The following SDK1 variants were observed in gnomAD, a reference collection of about 807,000 sequenced individuals.
SDK1 encodes sidekick cell adhesion molecule 1.
A neutral mutation model predicts 245.5 loss-of-function variants in SDK1; 157 were observed. The ratio of observed to expected loss-of-function variants is 0.64; its 90% CI spans 0.56 to 0.73. The LOEUF is 0.73. SDK1 is among the 30% of genes least tolerant of loss of function. The probability of loss-of-function intolerance (pLI) is 0.00; values close to 1 mark genes in which losing one functional copy is unlikely to be tolerated. For synonymous variants in SDK1, 1,647 were observed against 1,278.5 expected (o/e 1.29, Z -6.15); for missense variants, 3,583 against 3,002.3 (o/e 1.19, Z -4.52).
At chr7:3,443,810 C>T (rs915684368) in intron 1 of SDK1, among the ~76,000 whole-genome samples, 1 of 152,132 alleles carries the variant, frequency 6.6e-6, no homozygotes, top group Non-Finnish European at 1.5e-5. Context: ...AATGTATTGT[C>T]ATCAGGCTAG....
chr7:3,363,765 A>C (rs903261713), intron 1 of SDK1, among the ~76,000 whole-genome samples: 1 of 152,236 alleles, frequency 6.6e-6, no homozygotes, highest in East Asian at 1.9e-4. Flanking sequence ...GGAGGAGCTC[A>C]GGCGGGAATG....
intron 28 of SDK1, among the ~76,000 whole-genome samples, chr7:4,143,179 C>A (rs1779698699): frequency 6.6e-6 from 1 of 152,116 alleles, no homozygotes; most frequent in Non-Finnish European, 1.5e-5. Context: ...GCATTCAGCA[C>A]CCTGTCCTGG....
intron 14 of SDK1, among the ~76,000 whole-genome samples, chr7:4,003,709 A>G (rs1345478565): frequency 1.3e-5 from 2 of 152,210 alleles, no homozygotes; most frequent in Non-Finnish European, 2.9e-5. Flanking sequence ...GACACGGGGA[A>G]TTTAACCTGA....
rs200518584 is a variant in SDK1 at position 3,969,320 on chromosome 7, G to T, written c.1610G>T (p.Gly537Val). 5 of 1,610,988 alleles carry T rather than the reference G, an allele frequency of 3.1e-6. No homozygotes were observed. In the Admixed American group the frequency reaches 5.0e-5, roughly 16 times the overall value. ...AGGTTCATGCTTCTTGAATCGGGGGGTCTACAGATCGCGCCCGTCTTCATC... is the reference window on the plus strand; with the variant it reads ...AGGTTCATGCTTCTTGAATCGGGGGTTCTACAGATCGCGCCCGTCTTCATC... Reference protein sequence around the residue: ...IPRFMLLESGGLQIAPVFIQD... With the variant: ...IPRFMLLESGVLQIAPVFIQD... The change falls in exon 11 of 45, where the codon GGT becomes GTT. Residue 537 changes from glycine to valine, a missense_variant. Transcript: ENST00000404826.
chr7:3,469,550 T>C (rs1375534363), intron 1 of SDK1, among the ~76,000 whole-genome samples: 2 of 152,232 alleles, frequency 1.3e-5, no homozygotes, highest in South Asian at 2.1e-4. Context: ...TGTGACTTAG[T>C]TTTCCGGTTA....
intron 1 of SDK1, among the ~76,000 whole-genome samples, chr7:3,591,032 A>T (rs988436523): frequency 2.0e-5 from 3 of 152,176 alleles, no homozygotes; most frequent in Non-Finnish European, 2.9e-5. Context: ...AGGAGATCCT[A>T]ATGTGCAAAG....
intron 1 of SDK1, among the ~76,000 whole-genome samples, chr7:3,569,331 C>G (rs1454638379): frequency 3.3e-5 from 5 of 152,206 alleles, no homozygotes; most frequent in Non-Finnish European, 7.3e-5. Context: ...TTTGAGTGAT[C>G]TGCTCTCTAG....
chr7:3,407,007 T>A (rs1779072080), intron 1 of SDK1, among the ~76,000 whole-genome samples: 1 of 152,162 alleles, frequency 6.6e-6, no homozygotes, highest in African/African-American at 2.4e-5. Context: ...GAGAATTGGT[T>A]GCCAATGGGA....
intron 1 of SDK1, among the ~76,000 whole-genome samples, chr7:3,555,035 T>A (rs1779544509): frequency 6.6e-6 from 1 of 152,146 alleles, no homozygotes; most frequent in South Asian, 2.1e-4. Context: ...TTCAATGCAA[T>A]CCCTATCAAA....
chr7:3,490,307 A>T (rs1393789715), intron 1 of SDK1, among the ~76,000 whole-genome samples: 1 of 152,252 alleles, frequency 6.6e-6, no homozygotes, highest in African/African-American at 2.4e-5. Flanking sequence ...TTAGCCGAAG[A>T]GAAATGAATT....
intron 32 of SDK1, among the ~76,000 whole-genome samples, chr7:4,168,172 C>T (rs970254316): frequency 6.6e-6 from 1 of 152,178 alleles, no homozygotes; most frequent in African/African-American, 2.4e-5. Context: ...GTGGCCTCTG[C>T]CAGCTGCTGC....
intron 5 of SDK1, among the ~76,000 whole-genome samples, chr7:3,865,145 T>G (rs1780790488): frequency 6.6e-6 from 1 of 152,100 alleles, no homozygotes; most frequent in Non-Finnish European, 1.5e-5. Flanking sequence ...TGGGAAGTGA[T>G]GAACGTCCAC....
At chr7:3,719,646 C>A (rs991020879) in intron 4 of SDK1, among the ~76,000 whole-genome samples, 1 of 152,006 alleles carries the variant, frequency 6.6e-6, no homozygotes, top group Non-Finnish European at 1.5e-5. Context: ...AAAGAAAACT[C>A]AAAAAAGTAT....
chr7:3,526,851 C>T (rs1783154265), intron 1 of SDK1, among the ~76,000 whole-genome samples: 1 of 152,026 alleles, frequency 6.6e-6, no homozygotes, highest in Admixed American at 6.6e-5. Flanking sequence ...ATATATCTTC[C>T]AGATTTAGCT....
intron 4 of SDK1, among the ~76,000 whole-genome samples, chr7:3,719,669 A>G (rs1421577087): frequency 6.6e-6 from 1 of 152,184 alleles, no homozygotes; most frequent in Non-Finnish European, 1.5e-5. Flanking sequence ...CATAAAATAA[A>G]AACTGTAAAA....
chr7:3,586,030 C>A (rs1002692471), intron 1 of SDK1, among the ~76,000 whole-genome samples: 1 of 152,114 alleles, frequency 6.6e-6, no homozygotes, highest in Admixed American at 6.5e-5. Flanking sequence ...TGGAAGAGAG[C>A]TACATTGCTG....
At chr7:4,216,934 C>G (rs1046411582) in intron 38 of SDK1, among the ~76,000 whole-genome samples, 1 of 152,144 alleles carries the variant, frequency 6.6e-6, no homozygotes, top group Non-Finnish European at 1.5e-5. Flanking sequence ...GAACACTCCT[C>G]GAACCCCTGG....
At chr7:4,102,706 A>G (rs1782633831) in intron 22 of SDK1, among the ~76,000 whole-genome samples, 1 of 152,014 alleles carries the variant, frequency 6.6e-6, no homozygotes, top group African/African-American at 2.4e-5. Flanking sequence ...CAGTTTTTCC[A>G]GAGGCCGGAT....
At chr7:3,776,724 A>G (rs1331367869) in intron 4 of SDK1, among the ~76,000 whole-genome samples, 2 of 151,896 alleles carry the variant, frequency 1.3e-5, no homozygotes, top group South Asian at 2.1e-4. Flanking sequence ...TTTTTCTGGA[A>G]GAAATACAGT....
Sources: gnomAD v4.1 joint callset for allele counts (sites outside exome capture counted in the v4.1 genomes callset) on GRCh38, gnomAD v4.1.1 for gene constraint, MANE v1.5 for transcripts, NCBI Gene and HGNC (gene_info 2026-07-23, HGNC 2026-07-21) for gene names.